The following LMNTD1 variants were observed in gnomAD, a reference collection of about 807,000 sequenced individuals.
LMNTD1 encodes the protein lamin tail domain containing 1.
A neutral mutation model predicts 50.9 loss-of-function variants in LMNTD1; 35 were observed. The observed-to-expected ratio is 0.69, with a 90% CI of 0.53 to 0.91. The LOEUF (loss-of-function observed/expected upper bound fraction) is 0.91. Among genes scored for constraint, LMNTD1 ranks in the 40% least tolerant of loss-of-function variants. The probability of loss-of-function intolerance (pLI) is 0.00; values close to 1 mark genes in which losing one functional copy is unlikely to be tolerated. For synonymous variants in LMNTD1, 153 were observed against 161.9 expected (o/e 0.94, Z 0.42); for missense variants, 470 against 475.5 (o/e 0.99, Z 0.11).
chr12:25,577,370 A>C (rs184354748), intron 1 of LMNTD1, among the ~76,000 whole-genome samples: 1 of 152,294 alleles, frequency 6.6e-6, no homozygotes, highest in Admixed American at 6.5e-5. Flanking sequence ...TTCGTTGAGC[A>C]GTGGTTTGTA....
At chr12:25,489,696 C>T (rs1190158498) in intron 9 of LMNTD1, among the ~76,000 whole-genome samples, 4 of 152,034 alleles carry the variant, frequency 2.6e-5, no homozygotes, top group Admixed American at 6.6e-5. Context: ...TGAAGAAACT[C>T]GCTTGTAATG....
intron 1 of LMNTD1, among the ~76,000 whole-genome samples, chr12:25,572,178 G>T (rs909032087): frequency 6.6e-6 from 1 of 152,174 alleles, no homozygotes; most frequent in Non-Finnish European, 1.5e-5. Flanking sequence ...ATTGTCATAA[G>T]AATATGACAT....
rs115646554 is a variant in LMNTD1, at chr12:25,572,133, A to C, written c.59-25579T>G. 3.4e-3 allele frequency among the ~76,000 whole-genome samples: 511 copies of C among 152,334 alleles called. 5 individuals carry two copies. The highest frequency in any genetic ancestry group is 0.012 in the African/African-American group (500 of 41,564). ...TATGTAAAATAACTTCATAGGTTTC[A>C]ATCTCTTCTTCTGTAAAATGGGGAT... On this transcript the variant is annotated intron_variant, in intron 1 of 7. Transcript: ENST00000445693.
chr12:25,482,795 G>T (rs554190378), intron 9 of LMNTD1, among the ~76,000 whole-genome samples: 1 of 151,904 alleles, frequency 6.6e-6, no homozygotes, highest in Admixed American at 6.6e-5. Flanking sequence ...AGAGGCACAC[G>T]CTTAGGAAAC....
chr12:25,567,182 C>A (rs989998043), intron 1 of LMNTD1, among the ~76,000 whole-genome samples: 1 of 152,208 alleles, frequency 6.6e-6, no homozygotes, highest in African/African-American at 2.4e-5. Flanking sequence ...TGTTAGGAAA[C>A]TGAACTCTAA....
chr12:25,619,252 C>CTCTCTCTCTCTCTCTATATATA (rs1374134268), intron 1 of LMNTD1, among the ~76,000 whole-genome samples: 2 of 84,442 alleles, frequency 2.4e-5, no homozygotes, highest in East Asian at 4.2e-4. Flanking sequence ...CTCTCTCTCT[C>CTCTCTCTCTCTCTCTATATATA]TATATATATA....
chr12:25,640,215 T>C (rs1946924885), intron 1 of LMNTD1, among the ~76,000 whole-genome samples: 1 of 151,994 alleles, frequency 6.6e-6, no homozygotes, highest in Admixed American at 6.6e-5. Flanking sequence ...GAAAATAGAA[T>C]AGGTAATTAA....
At chr12:25,509,734 AAAG>A (rs764833349) in intron 8 of LMNTD1, among the ~76,000 whole-genome samples, 2 of 152,208 alleles carry the variant, frequency 1.3e-5, no homozygotes, top group Non-Finnish European at 2.9e-5. Context: ...ACATTCTTAT[AAAG>A]AAGAGAGAAA....
intron 4 of LMNTD1, among the ~76,000 whole-genome samples, chr12:25,545,302 C>T (rs1046576626): frequency 6.6e-6 from 1 of 151,580 alleles, no homozygotes; most frequent in African/African-American, 2.4e-5. Flanking sequence ...TACATGGTTT[C>T]CACTGAGAAG....
intron 1 of LMNTD1, among the ~76,000 whole-genome samples, chr12:25,560,962 A>G (rs1366465996): frequency 2.0e-5 from 3 of 152,182 alleles, no homozygotes. Context: ...TAAATATACA[A>G]TCATGTCATC....
chr12:25,530,847 GA>G (rs1942176755), intron 4 of LMNTD1, among the ~76,000 whole-genome samples: 1 of 152,174 alleles, frequency 6.6e-6, no homozygotes, highest in Non-Finnish European at 1.5e-5. Context: ...CTAAAGTTAT[GA>G]ATGTTAAGAC....
chr12:25,648,439 A>C, intron 1 of LMNTD1: 1 of 1,401,542 alleles, frequency 7.1e-7, no homozygotes, highest in Non-Finnish European at 9.9e-7. Flanking sequence ...AAAGGAAATG[A>C]GGGAAGCCAG....
chr12:25,559,507 T>C lies in LMNTD1; in HGVS notation c.59-12953A>G, dbSNP rs142270238. ...TGTGAATAATGCCGCAATAAACATG[T>C]GTGTGCATGTGTCATTATAGCAGCA... On this transcript the variant is annotated intron_variant, in intron 1 of 7. Coordinates refer to the LMNTD1 transcript ENST00000445693. Among the ~76,000 whole-genome samples the C allele has an allele frequency of 7.0e-3, 1,061 of 152,262 alleles. 11 individuals carry two copies. The highest frequency in any genetic ancestry group is 0.025 in the African/African-American group (1,027 of 41,544).
At chr12:25,631,377 C>T (rs1158742876) in intron 1 of LMNTD1, among the ~76,000 whole-genome samples, 1 of 152,182 alleles carries the variant, frequency 6.6e-6, no homozygotes, top group Admixed American at 6.5e-5. Flanking sequence ...AGCTAAGAAC[C>T]CTCACGGAGT....
At position 25,585,933 on chromosome 12, in the gene LMNTD1, C is replaced by T. The variant is rs941884784; in HGVS notation, c.59-39379G>A. On this transcript the variant is annotated intron_variant, in intron 1 of 7. Coordinates refer to the LMNTD1 transcript ENST00000445693. Reference sequence around the variant, plus strand: ...TATTTTACAGATGAAGAAACTAAGTCGCAAAGGATGAACTCACTTGCCCTC... The same window carrying T: ...TATTTTACAGATGAAGAAACTAAGTTGCAAAGGATGAACTCACTTGCCCTC... The T allele has an allele frequency of 5.9e-5, 9 of 152,148 alleles. No homozygotes were observed. The South Asian group carries it at 6.2e-4, about 11-fold the overall frequency. 9.4% of individuals were successfully genotyped at this position (152,148 alleles called of 1,614,324 possible).
chr12:25,611,169 T>C (rs898846141), intron 1 of LMNTD1, among the ~76,000 whole-genome samples: 1 of 152,204 alleles, frequency 6.6e-6, no homozygotes, highest in African/African-American at 2.4e-5. Flanking sequence ...AGCAAAGCTA[T>C]GCCATTTGGT....
chr12:25,570,454 G>A (rs1275922845), intron 1 of LMNTD1, among the ~76,000 whole-genome samples: 1 of 152,186 alleles, frequency 6.6e-6, no homozygotes, highest in Admixed American at 6.5e-5. Context: ...CTTTATGCAT[G>A]CATTCAATCA....
At chr12:25,583,137 T>A (rs1480129697) in intron 1 of LMNTD1, among the ~76,000 whole-genome samples, 3 of 151,180 alleles carry the variant, frequency 2.0e-5, no homozygotes. Context: ...TTCTCCTACC[T>A]CAGCCTCCCG....
upstream of LMNTD1, among the ~76,000 whole-genome samples, chr12:25,555,865 C>T (rs1203763028): frequency 6.6e-6 from 1 of 150,858 alleles, no homozygotes; most frequent in Non-Finnish European, 1.5e-5. Context: ...TGCACAGACT[C>T]AAATGTTAAT....
Sources: gnomAD v4.1 joint callset for allele counts (sites outside exome capture counted in the v4.1 genomes callset) on GRCh38, gnomAD v4.1.1 for gene constraint, MANE v1.5 for transcripts, NCBI Gene and HGNC (gene_info 2026-07-23, HGNC 2026-07-21) for gene names.